AGMO: variants seen among roughly 807,000 people sequenced by gnomAD.
AGMO encodes the protein glyceryl-ether monooxygenase.
A neutral mutation model predicts 60.2 loss-of-function variants in AGMO; 75 were observed. The ratio of observed to expected loss-of-function variants is 1.25; its 90% CI spans 1.03 to 1.51. The LOEUF (loss-of-function observed/expected upper bound fraction) is 1.51, where lower values mean the gene tolerates loss of function less well. Among genes scored for constraint, AGMO ranks in the 40% most tolerant of loss-of-function variants. The pLI is 0.00. For synonymous variants in AGMO, 261 were observed against 177.1 expected (o/e 1.47, Z -3.76); for missense variants, 763 against 525.5 (o/e 1.45, Z -4.42).
chr7:15,185,405 T>C, the AGMO span, among the ~76,000 whole-genome samples: 3 of 151,978 alleles, frequency 2.0e-5, no homozygotes, highest in African/African-American at 4.8e-5. Context: ...CAAATACTTG[T>C]TGAAAAAACT....
At chr7:15,225,082 C>T (rs1257328384) in intron 12 of AGMO, among the ~76,000 whole-genome samples, 1 of 151,388 alleles carries the variant, frequency 6.6e-6, no homozygotes, top group Non-Finnish European at 1.5e-5. Flanking sequence ...TTTTTTCTTT[C>T]ACTTTCTTTT....
the AGMO span, among the ~76,000 whole-genome samples, chr7:15,171,182 C>T: frequency 5.2e-4 from 79 of 152,050 alleles, 1 homozygote; most frequent in African/African-American, 1.9e-3. Flanking sequence ...GGGGTTTCAC[C>T]GTGTTAGCCA....
intron 12 of AGMO, among the ~76,000 whole-genome samples, chr7:15,267,179 G>A (rs1013182822): frequency 2.6e-5 from 4 of 151,914 alleles, no homozygotes; most frequent in Non-Finnish European, 5.9e-5. Flanking sequence ...AATTGGCAGA[G>A]ATTTTATGTG....
At chr7:15,224,421 T>G (rs1283905159) in intron 12 of AGMO, among the ~76,000 whole-genome samples, 1 of 151,858 alleles carries the variant, frequency 6.6e-6, no homozygotes, top group South Asian at 2.1e-4. Flanking sequence ...CCCCCACCCC[T>G]TTTTGTCTCT....
chr7:15,153,264 T>A, the AGMO span, among the ~76,000 whole-genome samples: 2 of 152,156 alleles, frequency 1.3e-5, no homozygotes, highest in Non-Finnish European at 2.9e-5. Flanking sequence ...ATATACAGAT[T>A]GTGAAGATTT....
intron 3 of AGMO, among the ~76,000 whole-genome samples, chr7:15,537,781 C>T (rs1432905192): frequency 6.6e-6 from 1 of 151,936 alleles, no homozygotes; most frequent in African/African-American, 2.4e-5. Context: ...AATCTCAGAA[C>T]ACCAAAGCAA....
intron 3 of AGMO, among the ~76,000 whole-genome samples, chr7:15,483,127 A>T (rs1045350140): frequency 2.6e-5 from 4 of 152,224 alleles, no homozygotes; most frequent in Non-Finnish European, 5.9e-5. Context: ...CATTAGAATT[A>T]TGTATTTAAT....
intron 12 of AGMO, among the ~76,000 whole-genome samples, chr7:15,333,870 T>C (rs1435815316): frequency 6.6e-6 from 1 of 152,088 alleles, no homozygotes. Context: ...CCAATTCCTA[T>C]TGCATGTATT....
At chr7:15,398,486 G>A (rs1258207789) in intron 5 of AGMO, among the ~76,000 whole-genome samples, 1 of 152,090 alleles carries the variant, frequency 6.6e-6, no homozygotes, top group Non-Finnish European at 1.5e-5. Flanking sequence ...TCATCATTCT[G>A]ACAGCCCAGT....
chr7:15,226,426 T>C (rs1428539887), intron 12 of AGMO, among the ~76,000 whole-genome samples: 1 of 152,102 alleles, frequency 6.6e-6, no homozygotes, highest in Non-Finnish European at 1.5e-5. Context: ...GAAAAGGACA[T>C]TCTGTGTTGA....
At chr7:15,118,876 A>ATTTTTTTTTT in the AGMO span, among the ~76,000 whole-genome samples, 2 of 81,758 alleles carry the variant, frequency 2.4e-5, no homozygotes, top group Non-Finnish European at 4.7e-5. Context: ...AGACGTCAGT[A>ATTTTTTTTTT]TTTTTTTTTT....
chr7:15,261,397 C>T (rs1210946920), intron 12 of AGMO, among the ~76,000 whole-genome samples: 1 of 151,932 alleles, frequency 6.6e-6, no homozygotes, highest in Non-Finnish European at 1.5e-5. Flanking sequence ...AACTGGAAAT[C>T]CTACAAGAGA....
intron 1 of AGMO, among the ~76,000 whole-genome samples, chr7:15,561,336 G>T (rs1785298482): frequency 6.6e-6 from 1 of 152,164 alleles, no homozygotes; most frequent in South Asian, 2.1e-4. Context: ...AGAGGAAATA[G>T]TTTCCCTGGA....
chr7:15,448,939 G>C (rs754787050), intron 3 of AGMO, among the ~76,000 whole-genome samples: 52 of 152,132 alleles, frequency 3.4e-4, no homozygotes, highest in Non-Finnish European at 6.2e-4. Flanking sequence ...GGAAATTGTA[G>C]AAATGACTTT....
intron 12 of AGMO, among the ~76,000 whole-genome samples, chr7:15,339,654 C>T (rs911768459): frequency 1.3e-5 from 2 of 152,114 alleles, no homozygotes; most frequent in Admixed American, 6.6e-5. Flanking sequence ...GTTATATAGA[C>T]TGTTTACAGT....
intron 12 of AGMO, among the ~76,000 whole-genome samples, chr7:15,355,212 G>A (rs1284419904): frequency 6.6e-6 from 1 of 152,056 alleles, no homozygotes; most frequent in Non-Finnish European, 1.5e-5. Context: ...TGCTAAAGAA[G>A]CCAATATTGG....
intron 5 of AGMO, among the ~76,000 whole-genome samples, chr7:15,398,934 T>C (rs1024277248): frequency 2.0e-5 from 3 of 152,172 alleles, no homozygotes; most frequent in African/African-American, 7.2e-5. Context: ...TCATATTGTT[T>C]TTAAGACATA....
At chr7:15,398,616 C>G (rs1784473117) in intron 5 of AGMO, among the ~76,000 whole-genome samples, 1 of 152,154 alleles carries the variant, frequency 6.6e-6, no homozygotes, top group African/African-American at 2.4e-5. Flanking sequence ...AGGCATTTGG[C>G]AATTCGACGA....
At chr7:15,163,997 G>A in the AGMO span, among the ~76,000 whole-genome samples, 26 of 151,904 alleles carry the variant, frequency 1.7e-4, no homozygotes, top group East Asian at 4.3e-3. Context: ...CTTATTACTG[G>A]CTCTGTAAGG....
Sources: allele counts gnomAD v4.1 joint callset (sites outside exome capture counted in the v4.1 genomes callset), GRCh38; gene constraint gnomAD v4.1.1; transcripts MANE v1.5; gene names NCBI Gene and HGNC (gene_info 2026-07-23, HGNC 2026-07-21).